PIBF1: variants seen among roughly 807,000 people sequenced by gnomAD.
PIBF1 encodes the protein progesterone-induced-blocking factor 1.
Under a neutral mutation model 112.5 loss-of-function variants are expected in PIBF1, and 90 were observed. That is an observed-to-expected ratio of 0.80 (90% CI 0.67 to 0.95). The LOEUF (loss-of-function observed/expected upper bound fraction) is 0.95, where lower values mean the gene tolerates loss of function less well. Ranked by LOEUF, PIBF1 falls within the 40% of genes least tolerant of loss-of-function variation. The pLI is 0.00. For synonymous variants in PIBF1, 301 were observed against 288.6 expected (o/e 1.04, Z -0.44); for missense variants, 915 against 852.3 (o/e 1.07, Z -0.92).
chr13:72,956,440 C>G (rs978754168), intron 14 of PIBF1, among the ~76,000 whole-genome samples: 1 of 151,956 alleles, frequency 6.6e-6, no homozygotes, highest in African/African-American at 2.4e-5. Flanking sequence ...AAGTTAATAC[C>G]CTATCTTTGT....
At chr13:72,798,811 A>G (rs906733841) in intron 5 of PIBF1, among the ~76,000 whole-genome samples, 6 of 152,318 alleles carry the variant, frequency 3.9e-5, no homozygotes, top group Admixed American at 1.3e-4. Context: ...AAACACTTCT[A>G]GTTTACAAAT....
At chr13:72,838,936 A>G (rs1194307427) in intron 9 of PIBF1, among the ~76,000 whole-genome samples, 2 of 152,234 alleles carry the variant, frequency 1.3e-5, no homozygotes, top group Non-Finnish European at 2.9e-5. Flanking sequence ...CTAATTCGGT[A>G]TGGCTGAAGG....
rs527758620 is a variant in PIBF1, at chr13:72,864,132, T to C, written c.1322+9977T>C. ...TCATAAGCACTTATTAACTAAATCC[T>C]GCTTAAGGCCACATTAAAGTTACAA... On this transcript the variant is annotated intron_variant, in intron 10 of 17. Coordinates refer to ENST00000326291, the MANE Select transcript of PIBF1 (RefSeq NM_006346.4). Among the ~76,000 whole-genome samples, 4 of 152,338 alleles carry C rather than the reference T, an allele frequency of 2.6e-5. No individual in the cohort carries two copies. In the South Asian group the frequency reaches 8.3e-4, roughly 32 times the overall value.
chr13:72,826,019 C>CTTGCT (rs2036794004), intron 6 of PIBF1, among the ~76,000 whole-genome samples: 1 of 143,374 alleles, frequency 7.0e-6, no homozygotes, highest in African/African-American at 2.6e-5. Context: ...GTCTGGGTGA[C>CTTGCT]ATAGCAAGAC....
At chr13:72,797,240 A>T (rs1382954353) in intron 4 of PIBF1, among the ~76,000 whole-genome samples, 4 of 152,152 alleles carry the variant, frequency 2.6e-5, no homozygotes, top group African/African-American at 9.6e-5. Context: ...AATACACTTT[A>T]CCTCTTCATC....
rs572718684 is a variant in PIBF1 at position 72,821,541 on chromosome 13, T to A, written c.673-308T>A. Among the ~76,000 whole-genome samples the A allele has an allele frequency of 1.4e-3, 212 of 152,330 alleles. 1 individual carries two copies. Among genetic ancestry groups the A allele is most frequent in the African/African-American group, 5.0e-3 (207 of 41,580 alleles). On this transcript the variant is annotated intron_variant, in intron 5 of 17. Transcript: ENST00000326291. ...CAGCATCTGATAGTAACTCAGTAAATGTTTTTAAAAAGTCATTTAACATTT... is the reference window on the plus strand; with the variant it reads ...CAGCATCTGATAGTAACTCAGTAAAAGTTTTTAAAAAGTCATTTAACATTT...
intron 17 of PIBF1, among the ~76,000 whole-genome samples, chr13:73,006,005 C>T (rs555744011): frequency 4.7e-5 from 7 of 150,526 alleles, no homozygotes; most frequent in Non-Finnish European, 8.8e-5. Context: ...CTGCAACCTC[C>T]GTCTCCTGGG....
chr13:72,996,907 C>T (rs2043692945), intron 16 of PIBF1, among the ~76,000 whole-genome samples: 2 of 152,128 alleles, frequency 1.3e-5, no homozygotes, highest in Non-Finnish European at 2.9e-5. Flanking sequence ...CTGTATTATC[C>T]TAATAAGAAT....
intron 2 of PIBF1, among the ~76,000 whole-genome samples, chr13:72,785,180 AAAAAAT>A (rs1158225108): frequency 6.6e-6 from 1 of 152,182 alleles, no homozygotes; most frequent in African/African-American, 2.4e-5. Context: ...AGGGGAGAAA[AAAAAAT>A]AAGCACACAA....
intron 5 of PIBF1, among the ~76,000 whole-genome samples, chr13:72,798,256 C>T (rs1272223804): frequency 6.6e-6 from 1 of 152,148 alleles, no homozygotes; most frequent in East Asian, 1.9e-4. Context: ...TTTATTGTTG[C>T]AAGTCAATTT....
At chr13:72,954,772 GT>G (rs1301341935) in intron 14 of PIBF1, among the ~76,000 whole-genome samples, 11 of 152,112 alleles carry the variant, frequency 7.2e-5, no homozygotes, top group Admixed American at 2.0e-4. Flanking sequence ...AGGATCTGTG[GT>G]TTTTTTCAGT....
intron 11 of PIBF1, among the ~76,000 whole-genome samples, chr13:72,906,260 G>T (rs982336385): frequency 6.6e-6 from 1 of 151,856 alleles, no homozygotes; most frequent in South Asian, 2.1e-4. Context: ...TCCCAGAAGC[G>T]TTGGCTTTAT....
intron 10 of PIBF1, among the ~76,000 whole-genome samples, chr13:72,856,206 T>C (rs1463046989): frequency 6.6e-6 from 1 of 152,170 alleles, no homozygotes. Context: ...GAACAGTGCC[T>C]TCCTATGATA....
intron 13 of PIBF1, among the ~76,000 whole-genome samples, chr13:72,928,004 TAC>T (rs1555316946): frequency 0.01 from 422 of 40,346 alleles, 12 homozygotes; most frequent in African/African-American, 0.048. Flanking sequence ...CACATATATA[TAC>T]ATATATATAC....
chr13:72,848,525 AC>A (rs769924398), intron 9 of PIBF1, among the ~76,000 whole-genome samples: 11 of 152,220 alleles, frequency 7.2e-5, no homozygotes, highest in Non-Finnish European at 1.2e-4. Flanking sequence ...TAATATTAAA[AC>A]CCTTTTATTT....
chr13:72,906,105 G>A (rs1314541424), intron 11 of PIBF1, among the ~76,000 whole-genome samples: 1 of 151,984 alleles, frequency 6.6e-6, no homozygotes. Context: ...GTATTTTTAA[G>A]ACAATTCTTA....
chr13:72,801,592 A>G (rs149897411), intron 5 of PIBF1, among the ~76,000 whole-genome samples: 1,561 of 152,312 alleles, frequency 0.01, 8 homozygotes, highest in Non-Finnish European at 0.014. Flanking sequence ...GCTGTAGTAC[A>G]TACTTTACTA....
At chr13:72,863,308 G>A (rs545873533) in intron 10 of PIBF1, among the ~76,000 whole-genome samples, 29 of 152,164 alleles carry the variant, frequency 1.9e-4, no homozygotes, top group African/African-American at 5.8e-4. Context: ...CATGTATATA[G>A]GAAAAGAAAT....
intron 10 of PIBF1, among the ~76,000 whole-genome samples, chr13:72,885,244 A>G (rs1201868092): frequency 1.3e-5 from 2 of 152,114 alleles, no homozygotes; most frequent in African/African-American, 2.4e-5. Context: ...TACCTAACCT[A>G]TAATCATTTT....
Sources: allele counts gnomAD v4.1 joint callset (sites outside exome capture counted in the v4.1 genomes callset), GRCh38; gene constraint gnomAD v4.1.1; transcripts MANE v1.5; gene names NCBI Gene and HGNC (gene_info 2026-07-23, HGNC 2026-07-21).